The following PCDHGB3 variants were observed in gnomAD, a reference collection of about 807,000 sequenced individuals.
PCDHGB3 encodes protocadherin gamma subfamily B, 3.
In PCDHGB3, 40 loss-of-function variants were observed where a neutral mutation model predicts 59.2. The observed-to-expected ratio is 0.68, with a 90% confidence interval of 0.52 to 0.88. The LOEUF is 0.88. Ranked by LOEUF, PCDHGB3 falls within the 40% of genes least tolerant of loss-of-function variation. The pLI is 0.00. For synonymous variants in PCDHGB3, 581 were observed against 503.6 expected, an observed-to-expected ratio of 1.15 and a Z score of -2.06; for missense variants, 1,309 against 1,187.9, an observed-to-expected ratio of 1.10 and a Z score of -1.50.
Position 141,381,340 on chromosome 5 carries a change from T to C in PCDHGB3, c.2415+8531T>C, listed in dbSNP as rs1777123842. 2.0e-5 allele frequency among the ~76,000 whole-genome samples: 3 copies of C among 152,250 alleles called. No homozygotes were observed. The South Asian group carries it at 6.2e-4, about 31-fold the overall frequency. On this transcript the variant is annotated intron_variant, in intron 1 of 3. Transcript: ENST00000576222. ...CTGCAACTATGTGAAAGGAGCTTTC[T>C]TTTCTTTCTGCTAGCAGAGGGTAGC...
rs144585584 is a variant in PCDHGB3 at position 141,478,339 on chromosome 5, C to T, written c.2416-16468C>T. 998 of 1,613,918 alleles carry T rather than the reference C, an allele frequency of 6.2e-4. 16 individuals carry two copies. In the East Asian group the frequency reaches 0.019, roughly 31 times the overall value. Reference sequence around the variant, plus strand: ...CACTGTACCGAACACCAGGGCCCTCCTTGCACGCGGACGCCGTGCGGGGAG... The same window carrying T: ...CACTGTACCGAACACCAGGGCCCTCTTTGCACGCGGACGCCGTGCGGGGAG... On this transcript the variant is annotated intron_variant, in intron 1 of 3. Transcript: ENST00000576222.
At chr5:141,420,770 T>G (rs1485978181) in intron 1 of PCDHGB3, among the ~76,000 whole-genome samples, 1 of 152,202 alleles carries the variant, frequency 6.6e-6, no homozygotes, top group Non-Finnish European at 1.5e-5. Flanking sequence ...AGTTTTCAGC[T>G]CCAGTAATAT....
intron 1 of PCDHGB3, chr5:141,484,969 G>A: frequency 3.4e-6 from 2 of 584,588 alleles, no homozygotes; most frequent in Admixed American, 3.2e-5. Flanking sequence ...CCCGGGAGCC[G>A]CTGTCTGCCA....
intron 1 of PCDHGB3, among the ~76,000 whole-genome samples, chr5:141,455,830 C>T (rs928219545): frequency 2.0e-5 from 3 of 151,170 alleles, no homozygotes; most frequent in African/African-American, 7.3e-5. Flanking sequence ...GACCCCTTTT[C>T]CTGTCTATCT....
intron 1 of PCDHGB3, chr5:141,419,779 G>A (rs1439735185): frequency 1.2e-6 from 2 of 1,614,064 alleles, no homozygotes; most frequent in Non-Finnish European, 8.5e-7. Flanking sequence ...CGGTCCGCCA[G>A]CGCCTGCTAG....
chr5:141,400,051 G>T, intron 1 of PCDHGB3: 1 of 1,613,762 alleles, frequency 6.2e-7, no homozygotes. Context: ...GCTGGTTGCT[G>T]TGCGTGATGG....
intron 1 of PCDHGB3, chr5:141,423,597 G>A: frequency 6.2e-7 from 1 of 1,613,188 alleles, no homozygotes; most frequent in Non-Finnish European, 8.5e-7. Context: ...AGAAAAGCGA[G>A]CCACTCTTGA....
intron 1 of PCDHGB3, chr5:141,390,389 G>C: frequency 7.1e-7 from 1 of 1,405,538 alleles, no homozygotes; most frequent in Non-Finnish European, 9.7e-7. Context: ...AGATGTCATG[G>C]ATCATTTTAG....
At position 141,371,064 on chromosome 5, in the gene PCDHGB3, T is replaced by C. The variant is rs759777636; in HGVS notation, c.670T>C (p.Cys224Arg). The change falls in exon 1 of 4, where the codon TGT (cysteine) becomes CGT (arginine). Residue 224 changes from cysteine (C) to arginine (R), a missense_variant. Physicochemically the swap from Cys to Arg is radical, Grantham distance 180 (BLOSUM62 -3). Transcript: ENST00000576222. ...GGATGGGGGCGAGCCCTCCAGAAGC[T>C]GTACCACCCAGATCAGGGTAATTGT... ...AVDGGEPSRS[C>R]TTQIRVIVAD... The C allele has an allele frequency of 4.3e-6, 7 of 1,613,944 alleles. No homozygotes were observed. In the South Asian group the frequency reaches 7.7e-5, roughly 18 times the overall value.
At chr5:141,404,395 CA>C (rs2094524205) in intron 1 of PCDHGB3, 7 of 1,613,768 alleles carry the variant, frequency 4.3e-6, no homozygotes, top group Non-Finnish European at 5.9e-6. Flanking sequence ...ACCCTGATAG[CA>C]ATGAGAATTC....
intron 1 of PCDHGB3, chr5:141,478,068 A>G (rs560968418): frequency 3.7e-6 from 6 of 1,614,134 alleles, no homozygotes; most frequent in East Asian, 4.5e-5. Flanking sequence ...ATCAAAGACA[A>G]TGGGGAGCCT....
chr5:141,482,380 C>A (rs2099557573), intron 1 of PCDHGB3, among the ~76,000 whole-genome samples: 1 of 151,712 alleles, frequency 6.6e-6, no homozygotes, highest in Non-Finnish European at 1.5e-5. Context: ...ATATAAAGTC[C>A]CTGTATGGAG....
chr5:141,410,602 T>A, intron 1 of PCDHGB3: 4 of 1,607,792 alleles, frequency 2.5e-6, no homozygotes, highest in South Asian at 2.2e-5. Flanking sequence ...TGACTTCACA[T>A]CCTGAGACTC....
rs1561858566 is a variant in PCDHGB3 at position 141,432,177 on chromosome 5, C to G, written c.2415+59368C>G. ...AATCCCAGAGGAGTTTCCCTCGTCTCTGTGACCGCCCACGACCCCGACTGT... is the reference window on the plus strand; with the variant it reads ...AATCCCAGAGGAGTTTCCCTCGTCTGTGTGACCGCCCACGACCCCGACTGT... On this transcript the variant is annotated intron_variant, in intron 1 of 3. Transcript: ENST00000576222. This position sits in a 1 kb window ranked among gnomAD's most constrained non-coding sequence, Gnocchi z 6.0. The G allele has an allele frequency of 6.2e-7, 1 of 1,614,220 alleles. No homozygotes were observed. Among genetic ancestry groups the G allele is most frequent in the Admixed American group, 1.7e-5 (1 of 60,032 alleles).
At chr5:141,375,512 C>G in intron 1 of PCDHGB3, 3 of 1,614,054 alleles carry the variant, frequency 1.9e-6, no homozygotes, top group Non-Finnish European at 2.5e-6. Flanking sequence ...TGTGAATGCA[C>G]TGGACCCTGA....
intron 1 of PCDHGB3, chr5:141,377,860 A>G (rs1236316198): frequency 6.6e-6 from 1 of 152,192 alleles, no homozygotes; most frequent in Non-Finnish European, 1.5e-5. Context: ...ATTAAGATTT[A>G]AAAGACTTCT....
intron 1 of PCDHGB3, chr5:141,428,334 C>T: frequency 1.6e-6 from 1 of 618,848 alleles, no homozygotes; most frequent in Non-Finnish European, 2.9e-6. Flanking sequence ...TTTCTATGCT[C>T]TTCTTCCTCG....
At chr5:141,428,175 G>A (rs766332920) in intron 1 of PCDHGB3, 20 of 1,508,456 alleles carry the variant, frequency 1.3e-5, no homozygotes, top group Non-Finnish European at 1.8e-5. Flanking sequence ...GTGCGTGACG[G>A]AGGACAGCCG....
intron 1 of PCDHGB3, chr5:141,413,249 G>A (rs756270877): frequency 6.8e-6 from 11 of 1,613,832 alleles, no homozygotes; most frequent in Non-Finnish European, 9.3e-6. Flanking sequence ...CTTTTCTTCG[G>A]GATTCCATGG....
Sources: allele counts gnomAD v4.1 joint callset (sites outside exome capture counted in the v4.1 genomes callset), GRCh38; gene constraint gnomAD v4.1.1; non-coding constraint Gnocchi (gnomAD v3.1); transcripts MANE v1.5; gene names NCBI Gene and HGNC (gene_info 2026-07-23, HGNC 2026-07-21).